Variants in PRKCB observed in about 807,000 individuals in gnomAD.
PRKCB encodes the protein protein kinase C beta type.
Under a neutral mutation model 81.5 loss-of-function variants are expected in PRKCB, and 13 were observed. The observed-to-expected ratio is 0.16, with a 90% CI of 0.10 to 0.25. The LOEUF is 0.25. Ranked by LOEUF, PRKCB falls within the 10% of genes least tolerant of loss-of-function variation. PRKCB has a pLI of 1.00. For synonymous variants in PRKCB, 335 were observed against 321.4 expected, an observed-to-expected ratio of 1.04 and a Z score of -0.45; for missense variants, 509 against 875.7, an observed-to-expected ratio of 0.58 and a Z score of 5.29.
chr16:23,866,376 G>A (rs1962790773), intron 2 of PRKCB, among the ~76,000 whole-genome samples: 2 of 152,182 alleles, frequency 1.3e-5, no homozygotes, highest in Admixed American at 1.3e-4. Flanking sequence ...AAAAATTTAA[G>A]TTCATAAGAA....
intron 2 of PRKCB, among the ~76,000 whole-genome samples, chr16:23,843,674 A>G (rs1203303926): frequency 6.6e-6 from 1 of 151,882 alleles, no homozygotes; most frequent in African/African-American, 2.4e-5. Context: ...TCTAGCTGAT[A>G]TGATATATAG....
chr16:23,988,443 T>C, intron 2 of PRKCB, 65 bp from the exon 3 acceptor site: 1 of 1,336,384 alleles, frequency 7.5e-7, no homozygotes, highest in Non-Finnish European at 1.1e-6. Flanking sequence ...TTCCTCCCTT[T>C]CTCTCTCTTC....
At chr16:23,873,840 C>A (rs1234706780) in intron 2 of PRKCB, among the ~76,000 whole-genome samples, 1 of 152,190 alleles carries the variant, frequency 6.6e-6, no homozygotes, top group Non-Finnish European at 1.5e-5. Flanking sequence ...CTTCATCCTG[C>A]TTTTCAAGGT....
chr16:23,992,412 G>A (rs7186193), intron 3 of PRKCB, among the ~76,000 whole-genome samples: 87,605 of 151,974 alleles, frequency 0.58, 25,511 homozygotes, highest in South Asian at 0.79. Flanking sequence ...TGGATAGTCC[G>A]TGGCATGATC....
At chr16:23,919,438 T>A (rs1385694056) in intron 2 of PRKCB, among the ~76,000 whole-genome samples, 1 of 151,302 alleles carries the variant, frequency 6.6e-6, no homozygotes. Flanking sequence ...AAATACCGGA[T>A]AGGGTTCCTG....
intron 2 of PRKCB, among the ~76,000 whole-genome samples, chr16:23,908,279 G>T (rs1003111451): frequency 6.6e-6 from 1 of 152,116 alleles, no homozygotes; most frequent in Non-Finnish European, 1.5e-5. Flanking sequence ...AGGTAGGAGT[G>T]ATTTGAAGAA....
At chr16:23,889,840 C>G (rs1963264536) in intron 2 of PRKCB, among the ~76,000 whole-genome samples, 1 of 152,212 alleles carries the variant, frequency 6.6e-6, no homozygotes, top group Non-Finnish European at 1.5e-5. Context: ...CTCTGTCTCT[C>G]TCATCTATCA....
At chr16:24,193,820 G>A (rs1201560771) in intron 16 of PRKCB, among the ~76,000 whole-genome samples, 1 of 152,184 alleles carries the variant, frequency 6.6e-6, no homozygotes, top group Non-Finnish European at 1.5e-5. Flanking sequence ...AACAGGCTCA[G>A]CTGATGTTCA....
At chr16:23,876,686 T>C (rs949516512) in intron 2 of PRKCB, among the ~76,000 whole-genome samples, 5 of 151,976 alleles carry the variant, frequency 3.3e-5, no homozygotes, top group African/African-American at 9.7e-5. Flanking sequence ...GTGAGATCTC[T>C]TGGAGCCCTG....
chr16:24,215,893 A>G lies in PRKCB; in HGVS notation c.*1077A>G. ...TGAAACAAAGATGGTTGTATTCCTC[A>G]CTTTGATGTTGTTTTGCAAGATGTT... On this transcript the variant is annotated 3_prime_UTR_variant, in exon 17 of 17. Coordinates refer to ENST00000643927, the MANE Select transcript of PRKCB (RefSeq NM_002738.7). 1.0e-6 allele frequency: 1 copy of G among 984,444 alleles called. No homozygotes were observed. The allele number at this position is 984,444 out of a possible 1,614,324, so 61.0% of individuals were successfully genotyped here. A position where few individuals can be genotyped will look rare whatever the true frequency, so the allele number is the denominator to read the frequency against.
chr16:24,174,398 A>T, intron 11 of PRKCB, 120 bp from the exon 12 acceptor site: 1 of 850,932 alleles, frequency 1.2e-6, no homozygotes, highest in Non-Finnish European at 1.8e-6. Flanking sequence ...TATATAGCTG[A>T]CCATCCATGG....
At chr16:24,193,472 T>TAAATAAAC (rs1555501787) in intron 16 of PRKCB, among the ~76,000 whole-genome samples, 1 of 103,088 alleles carries the variant, frequency 9.7e-6, no homozygotes, top group African/African-American at 3.1e-5. Flanking sequence ...AATAAATAAA[T>TAAATAAAC]AAATAAATAA....
intron 3 of PRKCB, among the ~76,000 whole-genome samples, chr16:24,002,727 A>G (rs1965055497): frequency 6.6e-6 from 1 of 152,116 alleles, no homozygotes; most frequent in South Asian, 2.1e-4. Flanking sequence ...TCATCTCTGG[A>G]TGGGAAGAAT....
At chr16:24,193,063 G>A (rs947088703) in intron 16 of PRKCB, among the ~76,000 whole-genome samples, 7 of 152,014 alleles carry the variant, frequency 4.6e-5, no homozygotes, top group Admixed American at 2.0e-4. Flanking sequence ...GGGCTCATGC[G>A]ATGCTCTCAC....
At chr16:23,899,644 C>CTCTG (rs1458482493) in intron 2 of PRKCB, among the ~76,000 whole-genome samples, 1 of 5,782 alleles carries the variant, frequency 1.7e-4, no homozygotes, top group African/African-American at 2.1e-4. Context: ...CTCTCTCTCT[C>CTCTG]TGTGTGTGTG....
chr16:24,158,604 A>ATG (rs377085007), intron 10 of PRKCB, among the ~76,000 whole-genome samples: 1,523 of 148,482 alleles, frequency 0.01, 11 homozygotes, highest in Middle Eastern at 0.021. Flanking sequence ...ATGTGTGTGT[A>ATG]TGTGTGTGTG....
At chr16:23,903,831 T>C (rs1298239183) in intron 2 of PRKCB, among the ~76,000 whole-genome samples, 3 of 152,210 alleles carry the variant, frequency 2.0e-5, no homozygotes, top group Admixed American at 6.5e-5. Context: ...TGTTTCAAGT[T>C]CCTTCTGGAT....
In PRKCB at chr16:23,997,422, A is replaced by G. The variant is rs551512933; in HGVS notation, c.288+8832A>G. ...AAGGTTTGGGTCACCCTGCCAGGTA[A>G]GGAACCACCACCAGCTGAGGTGCCC... On this transcript the variant is annotated intron_variant, in intron 3 of 16. Coordinates refer to ENST00000643927, the MANE Select transcript of PRKCB (RefSeq NM_002738.7). 1.0e-3 allele frequency among the ~76,000 whole-genome samples: 159 copies of G among 152,362 alleles called. 1 individual carries two copies. Among genetic ancestry groups the G allele is most frequent in the African/African-American group, 3.7e-3 (153 of 41,594 alleles).
chr16:24,010,869 G>A (rs771999943), intron 3 of PRKCB, among the ~76,000 whole-genome samples: 2 of 151,876 alleles, frequency 1.3e-5, no homozygotes, highest in Non-Finnish European at 2.9e-5. Flanking sequence ...CTTGCCACTC[G>A]ATTTTTTTTT....
Sources: gnomAD v4.1 joint callset for allele counts (sites outside exome capture counted in the v4.1 genomes callset) on GRCh38, gnomAD v4.1.1 for gene constraint, MANE v1.5 for transcripts, NCBI Gene and HGNC (gene_info 2026-07-23, HGNC 2026-07-21) for gene names.